IL17REL: variants seen among roughly 807,000 people sequenced by gnomAD.
The protein encoded by IL17REL is interleukin 17 receptor E like.
Under a neutral mutation model 49.0 loss-of-function variants are expected in IL17REL, and 36 were observed. The ratio of observed to expected loss-of-function variants is 0.73; its 90% CI spans 0.56 to 0.97. The LOEUF (loss-of-function observed/expected upper bound fraction) is 0.97, where lower values mean the gene tolerates loss of function less well. Ranked by LOEUF, IL17REL falls within the 50% of genes least tolerant of loss-of-function variation. The pLI is 0.00. For synonymous variants in IL17REL, 206 were observed against 192.4 expected, an observed-to-expected ratio of 1.07 and a Z score of -0.58; for missense variants, 470 against 453.9, an observed-to-expected ratio of 1.04 and a Z score of -0.32.
intron 11 of IL17REL, 58 bp from the exon 14 acceptor site, chr22:49,997,132 CTG>C: frequency 6.7e-7 from 1 of 1,498,562 alleles, no homozygotes; most frequent in East Asian, 2.4e-5. Context: ...AGGCTAAACA[CTG>C]TCCTTCTCCC....
Position 50,000,462 on chromosome 22 carries a change from G to A in IL17REL, c.334+16C>T. 1.9e-6 allele frequency: 3 copies of A among 1,574,362 alleles called. No individual in the cohort carries two copies. Among genetic ancestry groups the A allele is most frequent in the Non-Finnish European group, 2.6e-6 (3 of 1,144,482 alleles). On this transcript the variant is annotated intron_variant, in intron 4 of 12. Coordinates refer to ENST00000341280, the Ensembl canonical transcript of IL17REL. Reference sequence around the variant, plus strand: ...GCTGAACGGTAGCTGTGCTCAGGGGGCCCTGGGGACCCTACCTTCCACGAG... The same window carrying A: ...GCTGAACGGTAGCTGTGCTCAGGGGACCCTGGGGACCCTACCTTCCACGAG...
At chr22:49,997,859 C>T in intron 9 of IL17REL, 117 bp from the exon 12 acceptor site, 2 of 1,371,786 alleles carry the variant, frequency 1.5e-6, no homozygotes, top group Admixed American at 1.8e-5. Context: ...CCCAGTTCTC[C>T]TCCTTAGGCC....
At position 50,001,077 on chromosome 22, in the gene IL17REL, C is replaced by G. The variant is rs1234348065; in HGVS notation, c.109+5G>C. 6.4e-6 allele frequency: 10 copies of G among 1,574,348 alleles called. No individual in the cohort carries two copies. In the East Asian group the frequency reaches 2.1e-4, roughly 33 times the overall value. On this transcript the variant is annotated splice_donor_5th_base_variant and intron_variant, in intron 2 of 12. Transcript: ENST00000341280. Reference sequence around the variant, plus strand: ...TTAACTCCCACCCTCGAGGCCACCTCTCACCATGCAGGGTGATGGAGGCGC... The same window carrying G: ...TTAACTCCCACCCTCGAGGCCACCTGTCACCATGCAGGGTGATGGAGGCGC...
chr22:49,992,771 C>A (rs751929998), downstream of IL17REL, among the ~76,000 whole-genome samples: 1 of 152,222 alleles, frequency 6.6e-6, no homozygotes. Flanking sequence ...GTGCCCACCA[C>A]AATGCCTGGT....
intron 1 of IL17REL, among the ~76,000 whole-genome samples, chr22:50,001,975 C>G (rs1249969174): frequency 6.6e-6 from 1 of 152,238 alleles, no homozygotes; most frequent in Non-Finnish European, 1.5e-5. Flanking sequence ...GGAGCCCACA[C>G]TGAACACAGC....
exon 2 of IL17REL, chr22:50,001,161 C>T (rs765880624): frequency 1.2e-5 from 20 of 1,605,934 alleles, no homozygotes; most frequent in East Asian, 2.2e-5. Context: ...CAGTGGAGGA[C>T]GTCAGGGCCT....
At chr22:49,998,217 G>A (rs1569208390) in exon 8 of IL17REL, 3 of 1,612,476 alleles carry the variant, frequency 1.9e-6, no homozygotes, top group Non-Finnish European at 2.5e-6. Flanking sequence ...AGGCTCACAT[G>A]GCCACTCACA....
chr22:50,005,762 G>A (rs1202356214), intron 1 of IL17REL, among the ~76,000 whole-genome samples: 1 of 151,826 alleles, frequency 6.6e-6, no homozygotes, highest in East Asian at 1.9e-4. Flanking sequence ...CCGAGATTGC[G>A]CCACTGTACT....
chr22:50,002,737 C>T (rs892286540), intron 1 of IL17REL, among the ~76,000 whole-genome samples: 11 of 152,084 alleles, frequency 7.2e-5, no homozygotes, highest in Non-Finnish European at 1.2e-4. Flanking sequence ...TCAGGTGATC[C>T]GCCCACCTCG....
chr22:49,994,235 A>T (rs1462855702), downstream of IL17REL, among the ~76,000 whole-genome samples: 1 of 151,750 alleles, frequency 6.6e-6, no homozygotes, highest in African/African-American at 2.4e-5. Flanking sequence ...ACCTGGCCTG[A>T]CCTCCGCATC....
rs531731537 is a variant in IL17REL, at chr22:50,000,760, C to T, written c.213G>A (p.Gly71=). The T allele has an allele frequency of 5.8e-5, 92 of 1,584,336 alleles. No homozygotes were observed. The East Asian group carries it at 2.0e-3, about 34-fold the overall frequency. ...AGCCCTGCCTTGGCCTCACCTGCTGCCCCCCCTGCTGCCGGTGGGAGGCCC... is the reference window on the plus strand; with the variant it reads ...AGCCCTGCCTTGGCCTCACCTGCTGTCCCCCCTGCTGCCGGTGGGAGGCCC... Residue 71 remains glycine, a synonymous_variant, in exon 3 of 13, where the codon GGG becomes GGA. Transcript: ENST00000341280.
At chr22:49,996,936 A>G in intron 12 of IL17REL, 58 bp downstream of exon 14, 3 of 852,694 alleles carry the variant, frequency 3.5e-6, no homozygotes, top group Non-Finnish European at 5.4e-6. Context: ...GGGGGGTGTG[A>G]ACTGAGGTCC....
chr22:49,997,388 G>T, exon 11 of IL17REL: 1 of 1,613,838 alleles, frequency 6.2e-7, no homozygotes, highest in Non-Finnish European at 8.5e-7. Context: ...TTCCTCCTGT[G>T]ACACAGGTGC....
At chr22:49,999,770 G>A (rs1243227506) in intron 5 of IL17REL, 58 bp downstream of exon 7, 23 of 1,297,020 alleles carry the variant, frequency 1.8e-5, no homozygotes, top group East Asian at 3.2e-5. Flanking sequence ...ACCGGGGCCC[G>A]GGGCGCGGAG....
chr22:49,993,249 G>A (rs996454626), downstream of IL17REL, among the ~76,000 whole-genome samples: 1 of 152,250 alleles, frequency 6.6e-6, no homozygotes, highest in Non-Finnish European at 1.5e-5. The surrounding 1 kb of genome is among the most constrained non-coding windows in gnomAD (Gnocchi z 6.0). Flanking sequence ...TGTCATGAGT[G>A]AATGAGGCAG....
intron 4 of IL17REL, 95 bp downstream of exon 6, chr22:50,000,101 T>G (rs2146746496): frequency 1.9e-6 from 2 of 1,065,910 alleles, no homozygotes; most frequent in South Asian, 3.9e-5. Flanking sequence ...CGAGGGCCCC[T>G]CAGGATTTCC....
rs1428648269 is a variant in IL17REL, at chr22:49,997,388, GA to G, written c.905del (p.Val302AlafsTer25). On this transcript the variant is annotated frameshift_variant, in exon 11 of 13. Coordinates refer to ENST00000341280, the Ensembl canonical transcript of IL17REL. LOFTEE classifies it high-confidence loss of function. The stretch of plus-strand genomic sequence containing the variant: ...GCAGGGAGCTGTGACTTCCTCCTGT[GA>G]CACAGGTGCACCTGGAAGTGGGCGG... 1 of 1,613,840 alleles carries G rather than the reference GA, an allele frequency of 6.2e-7. No homozygotes were observed. Among genetic ancestry groups the G allele is most frequent in the Non-Finnish European group, 8.5e-7 (1 of 1,179,982 alleles).
In IL17REL at chr22:49,997,510, C is replaced by T. The variant is rs926326140; in HGVS notation, c.878-94G>A. ...TGTGGGGAGTGAAGGGTGAGACCCC[C>T]ATCCGGCCCAGCACCCCACCGCCTC... On this transcript the variant is annotated intron_variant, in intron 10 of 12. Coordinates refer to ENST00000341280, the Ensembl canonical transcript of IL17REL. The T allele has an allele frequency of 2.9e-6, 4 of 1,402,576 alleles. No individual in the cohort carries two copies. In the Admixed American group the frequency reaches 7.7e-5, roughly 27 times the overall value. The allele number at this position is 1,402,576 out of a possible 1,614,324, so 86.9% of individuals were successfully genotyped here.
rs576749994 is a variant in IL17REL at position 49,996,704 on chromosome 22, C to G, written c.*201G>C. The G allele has an allele frequency of 3.8e-5, 12 of 319,276 alleles. No individual in the cohort carries two copies. In the Admixed American group the frequency reaches 5.7e-4, roughly 15 times the overall value. 19.8% of individuals were successfully genotyped at this position (319,276 alleles called of 1,614,324 possible). A position where few individuals can be genotyped will look rare whatever the true frequency, so the allele number is the denominator to read the frequency against. On this transcript the variant is annotated 3_prime_UTR_variant, in exon 13 of 13. Coordinates refer to ENST00000341280, the Ensembl canonical transcript of IL17REL. ...GGCCGGATGGTCTCCCCGTTTCCCC[C>G]ACCCAGTCTCCTGTTCAGTGCACGC... is the stretch of plus-strand genomic sequence containing the variant.
Sources: gnomAD v4.1 joint callset for allele counts (sites outside exome capture counted in the v4.1 genomes callset) on GRCh38, gnomAD v4.1.1 for gene constraint, Gnocchi (gnomAD v3.1) non-coding constraint, MANE v1.5 for transcripts, NCBI Gene and HGNC (gene_info 2026-07-23, HGNC 2026-07-21) for gene names.